SNX29: variants seen among roughly 807,000 people sequenced by gnomAD.
SNX29 encodes sorting nexin-29.
Under a neutral mutation model 102.1 loss-of-function variants are expected in SNX29, and 78 were observed. That is an observed-to-expected ratio of 0.76 (90% CI 0.64 to 0.92). The LOEUF is 0.92. Among genes scored for constraint, SNX29 ranks in the 40% least tolerant of loss-of-function variants. The probability of loss-of-function intolerance (pLI) is 0.00; values close to 1 mark genes in which losing one functional copy is unlikely to be tolerated. For synonymous variants in SNX29, 580 were observed against 414.5 expected, an observed-to-expected ratio of 1.40 and a Z score of -4.85; for missense variants, 1,280 against 1,061.7, an observed-to-expected ratio of 1.21 and a Z score of -2.86.
intron 18 of SNX29, among the ~76,000 whole-genome samples, chr16:12,424,179 G>T (rs1415432546): frequency 6.6e-6 from 1 of 152,228 alleles, no homozygotes. Context: ...TAGCAGTGCA[G>T]CGACTTTCTC....
Position 12,446,937 on chromosome 16 carries a change from G to A in SNX29, c.2038-30782G>A, listed in dbSNP as rs565148430. ...CCCAGAACTTTGGGAGGTCAAGGTG[G>A]GCGGATCATTTGAGGTCAGGGGTTC... On this transcript the variant is annotated intron_variant, in intron 18 of 20. Transcript: ENST00000566228. Among the ~76,000 whole-genome samples, 3 of 151,928 alleles carry A rather than the reference G, an allele frequency of 2.0e-5. No homozygotes were observed. In the South Asian group the frequency reaches 6.3e-4, roughly 32 times the overall value.
chr16:12,452,437 G>A (rs1175355824), intron 18 of SNX29, among the ~76,000 whole-genome samples: 1 of 152,280 alleles, frequency 6.6e-6, no homozygotes, highest in Non-Finnish European at 1.5e-5. Context: ...TGTGCTAAAT[G>A]CAGAAAGTCA....
intron 14 of SNX29, among the ~76,000 whole-genome samples, chr16:12,226,789 G>A (rs1230915735): frequency 1.3e-5 from 2 of 152,044 alleles, no homozygotes. Flanking sequence ...TATTGGCTAG[G>A]CTGGTCTCGA....
At chr16:12,160,552 G>A (rs542993321) in intron 13 of SNX29, among the ~76,000 whole-genome samples, 7 of 152,264 alleles carry the variant, frequency 4.6e-5, no homozygotes, top group Non-Finnish European at 5.9e-5. Flanking sequence ...GTCAGGGGCC[G>A]TGGTTGGGGT....
rs766633646 is a variant in SNX29, at chr16:12,356,127, G to A, written c.1783-36G>A. ...CGGGATTGGTCCCTGGGGAATGTCT[G>A]CCTCTAAGCCTCACCTTTCCGTGCT... On this transcript the variant is annotated intron_variant, in intron 15 of 20. Transcript: ENST00000566228. 7.6e-6 allele frequency: 12 copies of A among 1,584,862 alleles called. No homozygotes were observed. The East Asian group carries it at 2.3e-4, about 30-fold the overall frequency.
At chr16:12,449,200 G>A (rs778001602) in intron 18 of SNX29, among the ~76,000 whole-genome samples, 1 of 152,048 alleles carries the variant, frequency 6.6e-6, no homozygotes, top group Non-Finnish European at 1.5e-5. Flanking sequence ...CTTGGTCTAG[G>A]GCATTGGAGG....
At chr16:12,147,201 A>G (rs944406104) in intron 13 of SNX29, among the ~76,000 whole-genome samples, 1 of 152,252 alleles carries the variant, frequency 6.6e-6, no homozygotes, top group African/African-American at 2.4e-5. Flanking sequence ...TCCCTGAAAA[A>G]TCTGCACCAA....
intron 15 of SNX29, among the ~76,000 whole-genome samples, chr16:12,335,472 C>G (rs901269542): frequency 1.3e-5 from 2 of 152,038 alleles, no homozygotes; most frequent in African/African-American, 4.8e-5. Context: ...CAAGACCAGC[C>G]TGGGCAACAT....
At chr16:12,408,616 T>G (rs893938821) in intron 18 of SNX29, among the ~76,000 whole-genome samples, 6 of 151,346 alleles carry the variant, frequency 4.0e-5, no homozygotes, top group African/African-American at 1.5e-4. Flanking sequence ...AGGTCAGGAG[T>G]TCAAGACCAG....
intron 4 of SNX29, chr16:12,027,701 G>C (rs1484590038): frequency 6.6e-6 from 2 of 303,120 alleles, no homozygotes; most frequent in Non-Finnish European, 1.2e-5. Flanking sequence ...GGGACCTGTA[G>C]CACACTGGTT....
intron 19 of SNX29, among the ~76,000 whole-genome samples, chr16:12,489,832 G>A (rs1394456946): frequency 3.3e-5 from 5 of 151,094 alleles, no homozygotes; most frequent in African/African-American, 7.3e-5. Context: ...TCGAGATTGC[G>A]TCTCACTCTG....
intron 16 of SNX29, among the ~76,000 whole-genome samples, chr16:12,396,493 C>G (rs2083727588): frequency 6.6e-6 from 1 of 152,150 alleles, no homozygotes; most frequent in Non-Finnish European, 1.5e-5. Context: ...ACTTGATCCC[C>G]ATAGCGTGCC....
rs1219366850 is a variant in SNX29, at chr16:12,098,300, A to C, written c.1402+19385A>C. Among the ~76,000 whole-genome samples the C allele has an allele frequency of 6.6e-6, 1 of 152,232 alleles. No individual in the cohort carries two copies. The highest frequency in any genetic ancestry group is 1.5e-5 in the Non-Finnish European group (1 of 68,044). ...TATATATTTACATGGAACAAAACTC[A>C]AAAGGTACGTATGGGATACCGTAAA... On this transcript the variant is annotated intron_variant, in intron 11 of 20. Transcript: ENST00000566228. This position sits in a 1 kb window ranked among gnomAD's most constrained non-coding sequence, Gnocchi z 6.0.
At chr16:12,198,504 G>T (rs563413951) in intron 13 of SNX29, among the ~76,000 whole-genome samples, 1 of 152,004 alleles carries the variant, frequency 6.6e-6, no homozygotes, top group African/African-American at 2.4e-5. Context: ...AGCTCTTCTC[G>T]TTGCAAGGAA....
chr16:12,224,927 A>G (rs2077571662), intron 14 of SNX29, among the ~76,000 whole-genome samples: 2 of 152,166 alleles, frequency 1.3e-5, no homozygotes, highest in East Asian at 3.9e-4. Flanking sequence ...AAACCTGAGC[A>G]TTCTCCCATC....
intron 5 of SNX29, among the ~76,000 whole-genome samples, chr16:12,043,481 A>C (rs2049967944): frequency 6.6e-6 from 1 of 151,562 alleles, no homozygotes; most frequent in Admixed American, 6.6e-5. Flanking sequence ...TAGCCTCCTG[A>C]GCAGCTAGGA....
chr16:12,477,911 T>G, intron 19 of SNX29, 52 bp downstream of exon 19: 2 of 1,524,690 alleles, frequency 1.3e-6, no homozygotes, highest in Non-Finnish European at 1.8e-6. Flanking sequence ...TTAAAATGGA[T>G]TATTTATTCT....
chr16:12,490,704 C>T (rs956171123), intron 19 of SNX29, among the ~76,000 whole-genome samples: 1 of 152,214 alleles, frequency 6.6e-6, no homozygotes, highest in Non-Finnish European at 1.5e-5. Flanking sequence ...ATACCAGGCA[C>T]CTGTGTTCCC....
chr16:12,525,090 G>A (rs183859428), intron 20 of SNX29, among the ~76,000 whole-genome samples: 16 of 152,154 alleles, frequency 1.1e-4, no homozygotes, highest in African/African-American at 3.9e-4. Context: ...AAAGAAACTT[G>A]GGGCTCTGTG....
Sources: allele counts gnomAD v4.1 joint callset (sites outside exome capture counted in the v4.1 genomes callset), GRCh38; gene constraint gnomAD v4.1.1; non-coding constraint Gnocchi (gnomAD v3.1); transcripts MANE v1.5; gene names NCBI Gene and HGNC (gene_info 2026-07-23, HGNC 2026-07-21).